The following DLGAP1 variants were observed in gnomAD, a reference collection of about 807,000 sequenced individuals.
The protein encoded by DLGAP1 is disks large-associated protein 1.
Under a neutral mutation model 90.8 loss-of-function variants are expected in DLGAP1, and 11 were observed. That is an observed-to-expected ratio of 0.12 (90% CI 0.08 to 0.20). The LOEUF is 0.20. Among genes scored for constraint, DLGAP1 ranks in the 10% least tolerant of loss-of-function variants. The probability of loss-of-function intolerance (pLI) is 1.00; values close to 1 mark genes in which losing one functional copy is unlikely to be tolerated. For synonymous variants in DLGAP1, 558 were observed against 540.7 expected (o/e 1.03, Z -0.44); for missense variants, 1,050 against 1,333.8 (o/e 0.79, Z 3.31).
intron 1 of DLGAP1, among the ~76,000 whole-genome samples, chr18:4,318,974 G>A (rs1217184317): frequency 6.6e-6 from 1 of 152,158 alleles, no homozygotes; most frequent in Non-Finnish European, 1.5e-5. Context: ...ATACCTAAAT[G>A]TTGCTATGAG....
chr18:3,596,984 T>G (rs780992362), intron 7 of DLGAP1: 1 of 520,084 alleles, frequency 1.9e-6, no homozygotes, highest in South Asian at 1.4e-5. Flanking sequence ...TCTCCCCACT[T>G]GGCCTCCCCC....
At chr18:3,835,510 G>T (rs917505116) in intron 4 of DLGAP1, among the ~76,000 whole-genome samples, 1 of 151,950 alleles carries the variant, frequency 6.6e-6, no homozygotes, top group South Asian at 2.1e-4. Flanking sequence ...TTAGCTGGGC[G>T]TGGTGGCGCG....
chr18:3,897,441 A>G (rs2071654795), intron 3 of DLGAP1, among the ~76,000 whole-genome samples: 1 of 152,240 alleles, frequency 6.6e-6, no homozygotes, highest in South Asian at 2.1e-4. Context: ...CATCTACTAA[A>G]TGACAGGTAC....
chr18:3,768,911 C>A (rs941135504), intron 5 of DLGAP1, among the ~76,000 whole-genome samples: 7 of 152,042 alleles, frequency 4.6e-5, no homozygotes, highest in African/African-American at 1.7e-4. Context: ...AAAGTGAAAA[C>A]CTGATAAATT....
At chr18:4,101,970 A>G (rs559809653) in intron 2 of DLGAP1, among the ~76,000 whole-genome samples, 4 of 152,166 alleles carry the variant, frequency 2.6e-5, no homozygotes, top group African/African-American at 9.6e-5. Context: ...AAAACATTAA[A>G]GCAGTCTTTT....
chr18:3,734,424 C>G lies in DLGAP1; in HGVS notation c.1351-5049G>C, dbSNP rs2062562657. Among the ~76,000 whole-genome samples the G allele has an allele frequency of 2.0e-5, 3 of 151,882 alleles. No homozygotes were observed. In the South Asian group the frequency reaches 6.2e-4, roughly 32 times the overall value. ...CGAGCTACTGCACTCAGCCCCATTT[C>G]TTTTTGATTTTAAAATTTTCCTTCC... On this transcript the variant is annotated intron_variant, in intron 6 of 12. Transcript: ENST00000315677.
At chr18:3,719,335 G>C (rs1439299186) in intron 7 of DLGAP1, among the ~76,000 whole-genome samples, 1 of 151,924 alleles carries the variant, frequency 6.6e-6, no homozygotes, top group Non-Finnish European at 1.5e-5. Context: ...GGGAGGCCGG[G>C]GTGGGCGGAT....
Position 4,089,774 on chromosome 18 carries a change from G to A in DLGAP1, c.-159+61406C>T, listed in dbSNP as rs556373200. Reference sequence around the variant, plus strand: ...ACCGGACCTCTTCCTGGCCGGGCACGGTGGCTCACGCCTGTAGTCCCAGCA... The same window carrying A: ...ACCGGACCTCTTCCTGGCCGGGCACAGTGGCTCACGCCTGTAGTCCCAGCA... On this transcript the variant is annotated intron_variant, in intron 2 of 12. Coordinates refer to ENST00000315677, the MANE Select transcript of DLGAP1 (RefSeq NM_004746.4). 7.9e-5 allele frequency among the ~76,000 whole-genome samples: 12 copies of A among 152,294 alleles called. No individual in the cohort carries two copies. In the South Asian group the frequency reaches 8.3e-4, roughly 11 times the overall value.
At chr18:4,088,034 C>T (rs2075712499) in intron 2 of DLGAP1, among the ~76,000 whole-genome samples, 1 of 151,234 alleles carries the variant, frequency 6.6e-6, no homozygotes, top group African/African-American at 2.4e-5. Flanking sequence ...TAATTTTTAT[C>T]ATTCTATTTT....
rs11316330 is a variant in DLGAP1, at chr18:3,506,513, CAAAAAAAAAAAAAAA to C, written c.2571+2042_2571+2056del. Among the ~76,000 whole-genome samples, 19 of 69,634 alleles carry C rather than the reference CAAAAAAAAAAAAAAA, an allele frequency of 2.7e-4. No homozygotes were observed. The East Asian group carries it at 7.2e-3, about 26-fold the overall frequency. The allele number at this position is 69,634 out of a possible 152,430, so 45.7% of individuals were successfully genotyped here. A position where few individuals can be genotyped will look rare whatever the true frequency, so the allele number is the denominator to read the frequency against. On this transcript the variant is annotated intron_variant, in intron 11 of 12. Transcript: ENST00000315677. ...GGGCAACAAGAGTGAGACTCCGTCT[CAAAAAAAAAAAAAAA>C]AAAAAAAAAGTGGAACTCCATGTCA...
intron 2 of DLGAP1, among the ~76,000 whole-genome samples, chr18:4,099,389 G>C (rs1313842833): frequency 6.6e-6 from 1 of 151,982 alleles, no homozygotes; most frequent in African/African-American, 2.4e-5. Flanking sequence ...CTTGGAGATA[G>C]TGCGGGTTTG....
chr18:4,352,570 C>T (rs1299756641), intron 1 of DLGAP1, among the ~76,000 whole-genome samples: 2 of 152,000 alleles, frequency 1.3e-5, no homozygotes, highest in African/African-American at 2.4e-5. Context: ...TATAAAGTAG[C>T]CCCTAATGCC....
intron 5 of DLGAP1, among the ~76,000 whole-genome samples, chr18:3,795,908 T>G (rs1392543387): frequency 6.6e-6 from 1 of 152,172 alleles, no homozygotes; most frequent in Non-Finnish European, 1.5e-5. Flanking sequence ...ATGATCTCGT[T>G]GGACATCTGG....
rs760189144 is a variant in DLGAP1, at chr18:3,879,100, C to T, written c.957+12G>A. 1 of 1,487,858 alleles carries T rather than the reference C, an allele frequency of 6.7e-7. No homozygotes were observed. The highest frequency in any genetic ancestry group is 8.9e-7 in the Non-Finnish European group (1 of 1,119,028). 92.2% of individuals were successfully genotyped at this position (1,487,858 alleles called of 1,614,324 possible). On this transcript the variant is annotated intron_variant, in intron 4 of 12. Transcript: ENST00000315677. The surrounding 1 kb of genome is among the most constrained non-coding windows in gnomAD (Gnocchi z 6.6). ...ACTACTTCTAAGCCTCCATCATTGA[C>T]AGAAATGGTACCTGCAGGTACTGGC...
chr18:4,107,454 A>G (rs1446555669), intron 2 of DLGAP1, among the ~76,000 whole-genome samples: 1 of 152,150 alleles, frequency 6.6e-6, no homozygotes, highest in Non-Finnish European at 1.5e-5. Context: ...TTCCCAATGT[A>G]CTTGTTCCCC....
chr18:3,858,710 G>C (rs895306169), intron 4 of DLGAP1, among the ~76,000 whole-genome samples: 5 of 152,010 alleles, frequency 3.3e-5, no homozygotes, highest in Non-Finnish European at 7.4e-5. Context: ...GTTACTCATA[G>C]GCAAAGGGGA....
chr18:4,351,608 C>T (rs1226001232), intron 1 of DLGAP1, among the ~76,000 whole-genome samples: 1 of 152,058 alleles, frequency 6.6e-6, no homozygotes, highest in Non-Finnish European at 1.5e-5. Flanking sequence ...TGCAAAAAAT[C>T]AGTATCTAAA....
chr18:4,434,229 C>T (rs922693106), intron 1 of DLGAP1, among the ~76,000 whole-genome samples: 1 of 151,976 alleles, frequency 6.6e-6, no homozygotes, highest in Non-Finnish European at 1.5e-5. Flanking sequence ...TACACCTCCC[C>T]CGAAAAAATG....
Position 3,604,540 on chromosome 18 carries a change from T to C in DLGAP1, c.1592-22292A>G, listed in dbSNP as rs2145808266. Among the ~76,000 whole-genome samples, 2 of 152,140 alleles carry C rather than the reference T, an allele frequency of 1.3e-5. 1 individual carries two copies. Among genetic ancestry groups the C allele is most frequent in the South Asian group, 4.2e-4 (2 of 4,812 alleles). The stretch of plus-strand genomic sequence containing the variant: ...TACCCTCCTTATTTTTCACTTAAGG[T>C]TCCCCATCTCAGTACACGATCCCTT... On this transcript the variant is annotated intron_variant, in intron 7 of 12. Coordinates refer to ENST00000315677, the MANE Select transcript of DLGAP1 (RefSeq NM_004746.4).
Sources: allele counts gnomAD v4.1 joint callset (sites outside exome capture counted in the v4.1 genomes callset), GRCh38; gene constraint gnomAD v4.1.1; non-coding constraint Gnocchi (gnomAD v3.1); transcripts MANE v1.5; gene names NCBI Gene and HGNC (gene_info 2026-07-23, HGNC 2026-07-21).